The following PBX1 variants were observed in gnomAD, a reference collection of about 807,000 sequenced individuals.
The protein encoded by PBX1 is pre-B-cell leukemia transcription factor 1.
Under a neutral mutation model 53.4 loss-of-function variants are expected in PBX1, and 6 were observed. That is an observed-to-expected ratio of 0.11 (90% CI 0.06 to 0.22). The LOEUF (loss-of-function observed/expected upper bound fraction) is 0.22, where lower values mean the gene tolerates loss of function less well. PBX1 is among the 10% of genes least tolerant of loss of function. The pLI, the probability that PBX1 is intolerant of heterozygous loss-of-function variation, is 1.00. For synonymous variants in PBX1, 204 were observed against 212.3 expected, an observed-to-expected ratio of 0.96 and a Z score of 0.34; for missense variants, 251 against 551.4, an observed-to-expected ratio of 0.46 and a Z score of 5.46.
At chr1:164,821,494 CCTCT>C in intron 7 of PBX1, 39 bp from the exon 8 acceptor site, 1 of 1,483,022 alleles carries the variant, frequency 6.7e-7, no homozygotes, top group Non-Finnish European at 9.4e-7. Flanking sequence ...TTTTCCTACA[CCTCT>C]CTGACTAATT....
chr1:164,703,724 G>T (rs1473060475), intron 2 of PBX1, among the ~76,000 whole-genome samples: 3 of 152,158 alleles, frequency 2.0e-5, no homozygotes, highest in Non-Finnish European at 4.4e-5. Context: ...TCCGTGTGCT[G>T]CCTGAATCCA....
chr1:164,737,060 A>G (rs1665333151), intron 2 of PBX1, among the ~76,000 whole-genome samples: 1 of 152,202 alleles, frequency 6.6e-6, no homozygotes, highest in African/African-American at 2.4e-5. Flanking sequence ...TGTGTGTCTA[A>G]GTGGATTCCA....
chr1:164,700,074 T>C (rs1009325507), intron 2 of PBX1, among the ~76,000 whole-genome samples: 1 of 152,128 alleles, frequency 6.6e-6, no homozygotes, highest in Non-Finnish European at 1.5e-5. Flanking sequence ...GTAATGGGCT[T>C]TCGCAACATG....
At chr1:164,632,747 G>A (rs1222437977) in intron 2 of PBX1, among the ~76,000 whole-genome samples, 1 of 152,134 alleles carries the variant, frequency 6.6e-6, no homozygotes, top group Admixed American at 6.5e-5. Context: ...CATTGGACAT[G>A]TGGTATTTAT....
chr1:164,861,797 A>C (rs2102443197), intron 2 of PBX1, among the ~76,000 whole-genome samples: 1 of 152,328 alleles, frequency 6.6e-6, no homozygotes, highest in African/African-American at 2.4e-5. Flanking sequence ...AGGTTATCTG[A>C]GAAGAGTATT....
chr1:164,778,592 G>A (rs1389676742), intron 2 of PBX1, among the ~76,000 whole-genome samples: 5 of 150,430 alleles, frequency 3.3e-5, no homozygotes, highest in Non-Finnish European at 7.4e-5. Context: ...AGCTGTGATT[G>A]CACCACTGCA....
intron 8 of PBX1, among the ~76,000 whole-genome samples, chr1:164,822,895 A>G (rs541870632): frequency 9.9e-5 from 15 of 152,186 alleles, no homozygotes; most frequent in Non-Finnish European, 5.9e-5. Flanking sequence ...GCTGCCCTTA[A>G]GTGTTCCCCA....
chr1:164,743,168 G>A (rs904270418), intron 2 of PBX1, among the ~76,000 whole-genome samples: 3 of 152,134 alleles, frequency 2.0e-5, no homozygotes, highest in Non-Finnish European at 4.4e-5. Context: ...ACACCCAGTC[G>A]ATGGCTACAC....
At chr1:164,726,230 A>G (rs1180779981) in intron 2 of PBX1, among the ~76,000 whole-genome samples, 2 of 152,202 alleles carry the variant, frequency 1.3e-5, no homozygotes, top group African/African-American at 4.8e-5. Flanking sequence ...TGCCTCCTCC[A>G]GGAACAGAAT....
chr1:164,620,151 A>G (rs1034273453), intron 2 of PBX1, among the ~76,000 whole-genome samples: 1 of 152,146 alleles, frequency 6.6e-6, no homozygotes, highest in African/African-American at 2.4e-5. Context: ...CCATGATTGG[A>G]CCTGGCAGCA....
At chr1:164,754,928 T>C (rs1017972058) in intron 2 of PBX1, among the ~76,000 whole-genome samples, 2 of 152,198 alleles carry the variant, frequency 1.3e-5, no homozygotes, top group African/African-American at 4.8e-5. Flanking sequence ...CCTACAAATT[T>C]CTGTATAATA....
intron 4 of PBX1, among the ~76,000 whole-genome samples, chr1:164,804,771 T>C (rs1669258988): frequency 1.3e-5 from 2 of 152,238 alleles, no homozygotes; most frequent in South Asian, 4.1e-4. Flanking sequence ...GAGAAACTCC[T>C]AGTTTCTAGC....
At chr1:164,805,477 C>A (rs1309169210) in intron 4 of PBX1, among the ~76,000 whole-genome samples, 1 of 152,180 alleles carries the variant, frequency 6.6e-6, no homozygotes. Context: ...CTGGGAACAG[C>A]TGTCTGCACC....
In PBX1 at chr1:164,842,331, T is replaced by C. The variant is rs1671342718; in HGVS notation, c.1201-4253T>C. Among the ~76,000 whole-genome samples the C allele has an allele frequency of 2.6e-5, 4 of 152,322 alleles. No homozygotes were observed. The South Asian group carries it at 8.3e-4, about 32-fold the overall frequency. ...CCTTGGCTCAAGAGCTAGCTCCCTC[T>C]ACCTCCTCAGACAGGCATGTTTTGC... On this transcript the variant is annotated intron_variant, in intron 8 of 8. Coordinates refer to ENST00000420696, the MANE Select transcript of PBX1 (RefSeq NM_002585.4).
intron 2 of PBX1, among the ~76,000 whole-genome samples, chr1:164,631,767 C>A (rs1658424340): frequency 6.6e-6 from 1 of 152,154 alleles, no homozygotes; most frequent in South Asian, 2.1e-4. Context: ...GATAAATCAG[C>A]TATTGTAGCA....
chr1:164,647,400 T>G (rs1443833583), intron 2 of PBX1, among the ~76,000 whole-genome samples: 1 of 152,090 alleles, frequency 6.6e-6, no homozygotes, highest in Non-Finnish European at 1.5e-5. Context: ...GACTGCAGGC[T>G]TCCCAGGAAG....
chr1:164,802,591 A>T (rs1483483572), intron 4 of PBX1, among the ~76,000 whole-genome samples: 1 of 152,150 alleles, frequency 6.6e-6, no homozygotes, highest in Non-Finnish European at 1.5e-5. Context: ...CATATTTACT[A>T]TGCCATCCAC....
intron 2 of PBX1, among the ~76,000 whole-genome samples, chr1:164,693,699 T>G (rs1210128286): frequency 1.3e-5 from 2 of 152,206 alleles, no homozygotes; most frequent in Non-Finnish European, 2.9e-5. Context: ...CACACACTTT[T>G]GCTCTCCAGG....
At chr1:164,615,518 G>A (rs1248325217) in intron 2 of PBX1, among the ~76,000 whole-genome samples, 2 of 151,858 alleles carry the variant, frequency 1.3e-5, no homozygotes, top group Admixed American at 6.6e-5. Flanking sequence ...CCCTATAGAT[G>A]ACAACTGCTC....
Sources: gnomAD v4.1 joint callset for allele counts (sites outside exome capture counted in the v4.1 genomes callset) on GRCh38, gnomAD v4.1.1 for gene constraint, MANE v1.5 for transcripts, NCBI Gene and HGNC (gene_info 2026-07-23, HGNC 2026-07-21) for gene names.